Variants in P2RY8 observed in about 807,000 individuals in gnomAD.
P2RY8 encodes the protein P2Y receptor family member 8.
A neutral mutation model predicts 10.0 loss-of-function variants in P2RY8; 6 were observed. That is an observed-to-expected ratio of 0.60 (90% CI 0.33 to 1.19). The LOEUF is 1.19. Among genes scored for constraint, P2RY8 ranks in the 50% most tolerant of loss-of-function variants. P2RY8 has a pLI of 0.04. For synonymous variants in P2RY8, 276 were observed against 252.5 expected, an observed-to-expected ratio of 1.09 and a Z score of -0.88; for missense variants, 456 against 542.0, an observed-to-expected ratio of 0.84 and a Z score of 1.58.
intron 1 of P2RY8, among the ~76,000 whole-genome samples, chrX:1,535,716 GACACACACACAGAC>G (rs1294586479): frequency 4.8e-5 from 7 of 146,306 alleles, no homozygotes; most frequent in East Asian, 2.0e-4. Context: ...CACACACACA[GACACACACACAGAC>G]ACACACACAC....
At position 1,464,062 on chromosome X, in the gene P2RY8, C is replaced by T. The variant is rs2091626506; in HGVS notation, c.*1417G>A. 8.6e-6 allele frequency: 2 copies of T among 233,328 alleles called. No homozygotes were observed. The highest frequency in any genetic ancestry group is 1.2e-4 in the East Asian group (2 of 16,598). The allele number at this position is 233,328 out of a possible 1,614,324, so 14.5% of individuals were successfully genotyped here. ...GCACCAATAGAGGGCCTCCGAACAG[C>T]AGCTTCAGCCTCCATCAGCGTCCCC... On this transcript the variant is annotated 3_prime_UTR_variant, in exon 2 of 2. Coordinates refer to ENST00000381297, the MANE Select transcript of P2RY8 (RefSeq NM_178129.5).
chrX:1,491,978 C>T (rs1224819279), intron 1 of P2RY8, among the ~76,000 whole-genome samples: 1 of 152,198 alleles, frequency 6.6e-6, no homozygotes, highest in Admixed American at 6.5e-5. Flanking sequence ...TGGACGTTAG[C>T]CCCACCGCCT....
chrX:1,513,175 C>T (rs1227317717), intron 1 of P2RY8, among the ~76,000 whole-genome samples: 1 of 151,888 alleles, frequency 6.6e-6, no homozygotes, highest in Non-Finnish European at 1.5e-5. Flanking sequence ...TGGCTTTATC[C>T]ACGTCCCTGC....
chrX:1,477,120 C>T (rs374287224), intron 1 of P2RY8, among the ~76,000 whole-genome samples: 2 of 151,502 alleles, frequency 1.3e-5, no homozygotes, highest in African/African-American at 2.4e-5. Context: ...ACCTGGGAGG[C>T]GGAGGTTGCA....
In P2RY8 at chrX:1,464,375, C is replaced by T. The variant is rs764037620; in HGVS notation, c.*1104G>A. 8.1e-5 allele frequency: 19 copies of T among 233,616 alleles called. No homozygotes were observed. Among genetic ancestry groups the T allele is most frequent in the African/African-American group, 2.6e-4 (12 of 45,490 alleles). 14.5% of individuals were successfully genotyped at this position (233,616 alleles called of 1,614,324 possible). On this transcript the variant is annotated 3_prime_UTR_variant, in exon 2 of 2. Transcript: ENST00000381297. ...CCCACACAGCAGGGAGGGGGCTCAG[C>T]GGCTGACACCCCTGTAGGTTCCTGG...
chrX:1,488,221 C>T (rs1227749200), intron 1 of P2RY8, among the ~76,000 whole-genome samples: 22 of 152,300 alleles, frequency 1.4e-4, no homozygotes, highest in Admixed American at 4.6e-4. Flanking sequence ...CCTGGAGAGG[C>T]AGAACGAGCT....
chrX:1,478,246 C>CAT (rs1556676161), intron 1 of P2RY8, among the ~76,000 whole-genome samples: 17 of 141,250 alleles, frequency 1.2e-4, no homozygotes, highest in East Asian at 4.0e-4. Context: ...TGCTGGCAGG[C>CAT]GTATGTGTGT....
chrX:1,511,972 T>C (rs1368383838), intron 1 of P2RY8, among the ~76,000 whole-genome samples: 2 of 152,130 alleles, frequency 1.3e-5, no homozygotes, highest in South Asian at 4.1e-4. Context: ...CCTTCGGTGA[T>C]ATGGGGGCCC....
At chrX:1,505,527 G>A (rs2092224261) in intron 1 of P2RY8, among the ~76,000 whole-genome samples, 2 of 152,084 alleles carry the variant, frequency 1.3e-5, no homozygotes, top group African/African-American at 2.4e-5. Context: ...CACTAGCTTC[G>A]GAAGATACAA....
At chrX:1,475,256 T>C (rs1266476415) in intron 1 of P2RY8, among the ~76,000 whole-genome samples, 2 of 141,876 alleles carry the variant, frequency 1.4e-5, no homozygotes, top group Admixed American at 1.4e-4. Flanking sequence ...GGTGGATGGA[T>C]GGGTGGATGG....
At chrX:1,515,945 G>GT (rs1292288224) in intron 1 of P2RY8, among the ~76,000 whole-genome samples, 42 of 53,006 alleles carry the variant, frequency 7.9e-4, no homozygotes, top group Non-Finnish European at 1.2e-3. Flanking sequence ...AGGCCGAGGG[G>GT]TCGGGGGGTG....
At chrX:1,484,704 C>A (rs570353391) in intron 1 of P2RY8, among the ~76,000 whole-genome samples, 1 of 107,486 alleles carries the variant, frequency 9.3e-6, no homozygotes, top group Admixed American at 1.4e-4. Flanking sequence ...CTCCAGCCTG[C>A]GTGACAGAGC....
rs778104126 is a variant in P2RY8 at position 1,535,537 on chromosome X, C to T, written c.-25+1384G>A. 2.6e-5 allele frequency among the ~76,000 whole-genome samples: 4 copies of T among 151,954 alleles called. No individual in the cohort carries two copies. The South Asian group carries it at 8.3e-4, about 32-fold the overall frequency. On this transcript the variant is annotated intron_variant, in intron 1 of 1. Transcript: ENST00000381297. The stretch of plus-strand genomic sequence containing the variant: ...GCTTGCCAAAGTCAAGTGGGCTATG[C>T]AAGGAGGAACGGAACGGGAAGGAGA...
intron 1 of P2RY8, among the ~76,000 whole-genome samples, chrX:1,488,721 TG>T (rs1231295888): frequency 6.9e-6 from 1 of 144,376 alleles, no homozygotes; most frequent in Non-Finnish European, 1.5e-5. Flanking sequence ...AGGATGGTCT[TG>T]GTAAATGCAG....
rs183470164 is a variant in P2RY8, at chrX:1,470,391, T to C, written c.-24-3809A>G. The stretch of plus-strand genomic sequence containing the variant: ...TTAACCGGGTGTTGTGGCACATGCC[T>C]GTAATCCCAGCTACTCCAGAGGCTA... On this transcript the variant is annotated intron_variant, in intron 1 of 1. Coordinates refer to ENST00000381297, the MANE Select transcript of P2RY8 (RefSeq NM_178129.5). Among the ~76,000 whole-genome samples, 4 of 152,182 alleles carry C rather than the reference T, an allele frequency of 2.6e-5. No individual in the cohort carries two copies. In the East Asian group the frequency reaches 7.7e-4, roughly 29 times the overall value.
intron 1 of P2RY8, among the ~76,000 whole-genome samples, chrX:1,491,474 C>T (rs1485836637): frequency 1.3e-5 from 2 of 152,184 alleles, no homozygotes; most frequent in East Asian, 3.8e-4. Context: ...AAATCAATGA[C>T]GTGTAGGGTT....
intron 1 of P2RY8, among the ~76,000 whole-genome samples, chrX:1,488,720 T>G (rs2092010433): frequency 6.9e-6 from 1 of 145,818 alleles, no homozygotes; most frequent in African/African-American, 2.6e-5. Flanking sequence ...CAGGATGGTC[T>G]TGGTAAATGC....
At chrX:1,481,624 ATTAGGAGAGTCCAGCTTTGGGT>A (rs2091936710) in intron 1 of P2RY8, among the ~76,000 whole-genome samples, 1 of 99,634 alleles carries the variant, frequency 1.0e-5, no homozygotes, top group South Asian at 2.3e-4. Context: ...CAGCTTTGGG[ATTAGGAGAGTCCAGCTTTGGGT>A]TTAGTGGAGC....
At chrX:1,535,989 C>A (rs1361053676) in intron 1 of P2RY8, among the ~76,000 whole-genome samples, 3 of 152,076 alleles carry the variant, frequency 2.0e-5, no homozygotes, top group Non-Finnish European at 4.4e-5. Context: ...TGGGGTCTCC[C>A]TGGCACCGAG....
Sources: allele counts gnomAD v4.1 joint callset (sites outside exome capture counted in the v4.1 genomes callset), GRCh38; gene constraint gnomAD v4.1.1; transcripts MANE v1.5; gene names NCBI Gene and HGNC (gene_info 2026-07-23, HGNC 2026-07-21).